The following SLX4IP variants were observed in gnomAD, a reference collection of about 807,000 sequenced individuals.
SLX4IP encodes the protein SLX4 interacting protein.
SLX4IP carries 34 observed loss-of-function variants against 32.9 expected under a neutral mutation model. That is an observed-to-expected ratio of 1.03 (90% confidence interval 0.79 to 1.38). The LOEUF is 1.38. SLX4IP is among the 40% of genes most tolerant of loss of function. SLX4IP has a pLI of 0.00. For missense variants in SLX4IP, 444 were observed against 479.0 expected (o/e 0.93, Z 0.68); for synonymous variants, 172 against 171.7 (o/e 1.00, Z -0.01).
At chr20:10,552,913 A>G (rs1470314598) in intron 2 of SLX4IP, among the ~76,000 whole-genome samples, 1 of 150,682 alleles carries the variant, frequency 6.6e-6, no homozygotes, top group Non-Finnish European at 1.5e-5. Context: ...ATGAAAAGGT[A>G]GCAGTGAACT....
intron 1 of SLX4IP, among the ~76,000 whole-genome samples, chr20:10,450,754 T>C (rs1165278470): frequency 4.6e-5 from 7 of 152,328 alleles, no homozygotes; most frequent in Admixed American, 2.6e-4. Context: ...GGCCTAGTGG[T>C]TTTTTTGTTT....
intron 4 of SLX4IP, among the ~76,000 whole-genome samples, chr20:10,594,424 T>G (rs1332952783): frequency 2.0e-5 from 3 of 152,160 alleles, no homozygotes; most frequent in Non-Finnish European, 4.4e-5. Context: ...TTTCCCAGGC[T>G]CGTCCATGAA....
chr20:10,466,120 GAA>G (rs2065378510), intron 2 of SLX4IP, among the ~76,000 whole-genome samples: 1 of 152,164 alleles, frequency 6.6e-6, no homozygotes, highest in African/African-American at 2.4e-5. Flanking sequence ...AAATAAAAAA[GAA>G]ATCCAAATAT....
At chr20:10,457,409 CT>C (rs199553179) in intron 1 of SLX4IP, among the ~76,000 whole-genome samples, 2 of 140,680 alleles carry the variant, frequency 1.4e-5, no homozygotes, top group Admixed American at 7.0e-5. Context: ...ATTGTGTTGG[CT>C]TTTTTTTGTT....
Position 10,472,822 on chromosome 20 carries a change from A to G in SLX4IP, c.27+14591A>G, listed in dbSNP as rs191709162. ...TTTTCCCTTCTTTGTTACCTGATACAGGCCTTTTAAAGCCAACAATAGTTA... is the reference window on the plus strand; with the variant it reads ...TTTTCCCTTCTTTGTTACCTGATACGGGCCTTTTAAAGCCAACAATAGTTA... On this transcript the variant is annotated intron_variant, in intron 2 of 7. Coordinates refer to ENST00000334534, the MANE Select transcript of SLX4IP (RefSeq NM_001009608.3). Among the ~76,000 whole-genome samples, 4 of 152,356 alleles carry G rather than the reference A, an allele frequency of 2.6e-5. No homozygotes were observed. The East Asian group carries it at 7.7e-4, about 29-fold the overall frequency.
intron 2 of SLX4IP, among the ~76,000 whole-genome samples, chr20:10,496,525 G>C (rs2065669118): frequency 6.6e-6 from 1 of 152,148 alleles, no homozygotes; most frequent in African/African-American, 2.4e-5. Context: ...CAGGGACCCA[G>C]GTTTTTCTAT....
intron 2 of SLX4IP, among the ~76,000 whole-genome samples, chr20:10,523,334 G>C (rs532564124): frequency 1.3e-5 from 2 of 152,232 alleles, no homozygotes; most frequent in East Asian, 1.9e-4. Flanking sequence ...CAGTTTGCAG[G>C]GGGGAGGAGG....
intron 2 of SLX4IP, among the ~76,000 whole-genome samples, chr20:10,485,994 A>G (rs1278868922): frequency 1.3e-5 from 2 of 152,066 alleles, no homozygotes; most frequent in Non-Finnish European, 2.9e-5. Context: ...TGGAGGAGGT[A>G]GGATAGGCAG....
chr20:10,578,123 G>A (rs543709908), intron 4 of SLX4IP, among the ~76,000 whole-genome samples: 23 of 152,246 alleles, frequency 1.5e-4, no homozygotes, highest in African/African-American at 5.5e-4. Flanking sequence ...AAAGTATACT[G>A]TTCAATGGTT....
At chr20:10,463,097 G>A (rs1423414687) in intron 2 of SLX4IP, among the ~76,000 whole-genome samples, 1 of 152,126 alleles carries the variant, frequency 6.6e-6, no homozygotes, top group Admixed American at 6.6e-5. Context: ...AGAGCCAGAC[G>A]GTTGACCCTT....
chr20:10,620,835 G>A (rs1280409548), intron 6 of SLX4IP, among the ~76,000 whole-genome samples: 3 of 152,286 alleles, frequency 2.0e-5, no homozygotes, highest in South Asian at 2.1e-4. Flanking sequence ...GATTACAGGC[G>A]TGAGCCACTG....
At chr20:10,478,908 T>C (rs2065496663) in intron 2 of SLX4IP, among the ~76,000 whole-genome samples, 1 of 152,116 alleles carries the variant, frequency 6.6e-6, no homozygotes, top group African/African-American at 2.4e-5. Context: ...TGGGGTGAGA[T>C]GGTATGCAAA....
In SLX4IP at chr20:10,518,468, CTTTCTT is replaced by C. The variant is rs1568720194; in HGVS notation, c.28-37760_28-37755del. Among the ~76,000 whole-genome samples the C allele has an allele frequency of 2.5e-3, 105 of 41,822 alleles. 3 individuals carry two copies. Among genetic ancestry groups the C allele is most frequent in the African/African-American group, 6.2e-3 (87 of 13,978 alleles). 27.4% of individuals were successfully genotyped at this position (41,822 alleles called of 152,430 possible). On this transcript the variant is annotated intron_variant, in intron 2 of 7. Transcript: ENST00000334534. ...CTTCCTTCCTTCCTTCCTTCCTTTC[CTTTCTT>C]TTCCTTTCCTTTCCTTTTCCTTCCT... is the stretch of plus-strand genomic sequence containing the variant.
intron 1 of SLX4IP, among the ~76,000 whole-genome samples, chr20:10,437,356 C>T (rs937764888): frequency 5.9e-5 from 9 of 152,156 alleles, no homozygotes; most frequent in African/African-American, 2.2e-4. Context: ...ACGTAACAAT[C>T]ACCTGGGAGC....
At chr20:10,486,857 A>G (rs1193760989) in intron 2 of SLX4IP, among the ~76,000 whole-genome samples, 1 of 152,120 alleles carries the variant, frequency 6.6e-6, no homozygotes, top group African/African-American at 2.4e-5. Flanking sequence ...TTTTGAAAGG[A>G]TTCTAGCCTG....
At chr20:10,502,632 C>T (rs1048801219) in intron 2 of SLX4IP, among the ~76,000 whole-genome samples, 9 of 151,722 alleles carry the variant, frequency 5.9e-5, no homozygotes, top group African/African-American at 2.2e-4. Context: ...TCTCTTTGGG[C>T]ATCATTTTCT....
At chr20:10,513,998 A>C (rs973519042) in intron 2 of SLX4IP, among the ~76,000 whole-genome samples, 4 of 152,176 alleles carry the variant, frequency 2.6e-5, no homozygotes, top group Middle Eastern at 3.2e-3. Context: ...GCCAAAAGGA[A>C]ATCTTTAAAA....
intron 2 of SLX4IP, among the ~76,000 whole-genome samples, chr20:10,524,143 C>T (rs368555522): frequency 3.3e-5 from 5 of 152,172 alleles, no homozygotes; most frequent in African/African-American, 1.2e-4. Flanking sequence ...AGCCCCAGTG[C>T]TTTGTGATGG....
chr20:10,502,301 C>T (rs187636477), intron 2 of SLX4IP, among the ~76,000 whole-genome samples: 22 of 152,252 alleles, frequency 1.4e-4, no homozygotes, highest in African/African-American at 4.1e-4. Context: ...TCTGTGCCCT[C>T]GCCTCCCTTC....
Sources: gnomAD v4.1 joint callset for allele counts (sites outside exome capture counted in the v4.1 genomes callset) on GRCh38, gnomAD v4.1.1 for gene constraint, MANE v1.5 for transcripts, NCBI Gene and HGNC (gene_info 2026-07-23, HGNC 2026-07-21) for gene names.